ZNF710: variants seen among roughly 807,000 people sequenced by gnomAD.
The protein encoded by ZNF710 is zinc finger protein 710.
ZNF710 carries 13 observed loss-of-function variants against 50.6 expected under a neutral mutation model. The observed-to-expected ratio is 0.26, with a 90% confidence interval of 0.17 to 0.41. The LOEUF (loss-of-function observed/expected upper bound fraction) is 0.41, where lower values mean the gene tolerates loss of function less well. Ranked by LOEUF, ZNF710 falls within the 10% of genes least tolerant of loss-of-function variation. The pLI is 1.00. For missense variants in ZNF710, 721 were observed against 936.6 expected (o/e 0.77, Z 3.01); for synonymous variants, 383 against 397.0 (o/e 0.96, Z 0.42).
At chr15:90,000,089 A>G (rs1897977750), upstream of ZNF710, among the ~76,000 whole-genome samples, 1 of 151,710 alleles carries the variant, frequency 6.6e-6, no homozygotes, top group South Asian at 2.1e-4. Context: ...AGGGCCCGGC[A>G]TCCAGCAGGT....
At chr15:90,006,791 G>C (rs1224650834) in intron 1 of ZNF710, 1 of 154,770 alleles carries the variant, frequency 6.5e-6, no homozygotes, top group African/African-American at 2.4e-5. Context: ...AGAGCCCTGG[G>C]CTCCTCAGCA....
chr15:90,045,024 C>A (rs1375285700), intron 1 of ZNF710, among the ~76,000 whole-genome samples: 1 of 152,192 alleles, frequency 6.6e-6, no homozygotes. Flanking sequence ...CTGCTGAACT[C>A]CTACACAACC....
At position 90,062,996 on chromosome 15, in the gene ZNF710, C is replaced by T. The variant is rs189013861; in HGVS notation, c.-28-4114C>T. ...GGCCAGTGTAAAAGAAAGCGTGGGG[C>T]CAACTGCCCAGGTGGGCAGTGGCTC... On this transcript the variant is annotated intron_variant, in intron 1 of 4. Transcript: ENST00000268154. The surrounding 1 kb of genome is among the most constrained non-coding windows in gnomAD (Gnocchi z 5.6). 1.4e-4 allele frequency among the ~76,000 whole-genome samples: 21 copies of T among 152,226 alleles called. No homozygotes were observed. Among genetic ancestry groups the T allele is most frequent in the Admixed American group, 1.1e-3 (17 of 15,300 alleles).
chr15:90,071,826 A>G (rs1399889928), intron 2 of ZNF710, among the ~76,000 whole-genome samples: 1 of 151,726 alleles, frequency 6.6e-6, no homozygotes, highest in Admixed American at 6.6e-5. Context: ...TTACAGGCGC[A>G]TACCACGCTC....
At chr15:90,014,433 A>T (rs766743711) in intron 1 of ZNF710, among the ~76,000 whole-genome samples, 3 of 151,626 alleles carry the variant, frequency 2.0e-5, no homozygotes, top group African/African-American at 7.3e-5. Flanking sequence ...TCCCAGCTAC[A>T]CTAGAGGCTG....
In ZNF710 at chr15:90,067,852, C is replaced by G. The variant is rs369663040; in HGVS notation, c.715C>G (p.Pro239Ala). Reference sequence around the variant, plus strand: ...GGCCCCCAGCATGGAGTCCCCGGAGCCTGTCAAGCCGGAACAGGGCTTCGT... The same window carrying G: ...GGCCCCCAGCATGGAGTCCCCGGAGGCTGTCAAGCCGGAACAGGGCTTCGT... Reference protein sequence around the residue: ...PEAPSMESPEPVKPEQGFVWQ... With the variant: ...PEAPSMESPEAVKPEQGFVWQ... Residue 239 changes from proline to alanine, a missense_variant, in exon 2 of 5, where the codon CCT becomes GCT. By Grantham distance (27) the Pro-to-Ala change is conservative. Around this residue, in one of 3 missense-constraint regions of ZNF710, gnomAD observed 326 missense variants for 347.1 expected, o/e 0.94. Coordinates refer to ENST00000268154, the MANE Select transcript of ZNF710 (RefSeq NM_198526.4). The surrounding 1 kb of genome is among the most constrained non-coding windows in gnomAD (Gnocchi z 8.1). The G allele has an allele frequency of 3.1e-6, 5 of 1,601,752 alleles. No individual in the cohort carries two copies. Among genetic ancestry groups the G allele is most frequent in the East Asian group, 2.2e-5 (1 of 44,658 alleles).
intron 1 of ZNF710, among the ~76,000 whole-genome samples, chr15:90,032,218 G>C (rs984550894): frequency 1.3e-5 from 2 of 151,890 alleles, no homozygotes; most frequent in Non-Finnish European, 2.9e-5. Context: ...GGCTGGTCTC[G>C]AGCTCCCAAC....
chr15:90,068,418 C>T lies in ZNF710; in HGVS notation c.1281C>T (p.Ala427=). The T allele has an allele frequency of 1.9e-6, 3 of 1,613,998 alleles. No homozygotes were observed. Among genetic ancestry groups the T allele is most frequent in the Non-Finnish European group, 1.7e-6 (2 of 1,180,028 alleles). Residue 427 remains alanine, a synonymous_variant, in exon 2 of 5, where the codon GCC becomes GCT. Transcript: ENST00000268154. This position sits in a 1 kb window ranked among gnomAD's most constrained non-coding sequence, Gnocchi z 5.0. ...TGACCCAGCTCAAGCGCCACCTGGC[C>T]TCCCACCAGGGCCCCACCCTCTACC... ...STLTQLKRHL[A]SHQGPTLYQC...
chr15:90,047,091 A>G (rs7175176), intron 1 of ZNF710, among the ~76,000 whole-genome samples: 36,089 of 152,112 alleles, frequency 0.24, 6,853 homozygotes, highest in African/African-American at 0.53. Flanking sequence ...ACGCTGGCCT[A>G]GAGATGAAAG....
At position 90,067,685 on chromosome 15, in the gene ZNF710, A is replaced by G; in HGVS notation, c.548A>G (p.Asn183Ser). 1 of 1,612,576 alleles carries G rather than the reference A, an allele frequency of 6.2e-7. No individual in the cohort carries two copies. The highest frequency in any genetic ancestry group is 8.5e-7 in the Non-Finnish European group (1 of 1,179,538). The change falls in exon 2 of 5, where the codon AAC becomes AGC. Residue 183 changes from asparagine to serine, a missense_variant. Coordinates refer to ENST00000268154, the MANE Select transcript of ZNF710 (RefSeq NM_198526.4). The surrounding 1 kb of genome is among the most constrained non-coding windows in gnomAD (Gnocchi z 8.1). ...HLPRTPRPEL[N>S]VAPYDPHFPA... ...CCCCGAACCCCGAGGCCGGAGCTGA[A>G]CGTGGCCCCATATGACCCTCACTTC... is the stretch of plus-strand genomic sequence containing the variant.
At chr15:90,042,059 G>A (rs1899312189) in intron 1 of ZNF710, among the ~76,000 whole-genome samples, 1 of 151,950 alleles carries the variant, frequency 6.6e-6, no homozygotes, top group African/African-American at 2.4e-5. Context: ...TACCACGTCT[G>A]GCTTATTTTT....
upstream of ZNF710, among the ~76,000 whole-genome samples, chr15:89,999,919 G>A (rs561760165): frequency 6.6e-6 from 1 of 151,928 alleles, no homozygotes; most frequent in Admixed American, 6.5e-5. Flanking sequence ...GAGGAAGGAA[G>A]GGAAGGGAAG....
chr15:90,065,414 A>C (rs1900136492), intron 1 of ZNF710, among the ~76,000 whole-genome samples: 1 of 152,190 alleles, frequency 6.6e-6, no homozygotes, highest in Non-Finnish European at 1.5e-5. Flanking sequence ...GAACCAGGGC[A>C]AGGGGTATAG....
intron 1 of ZNF710, among the ~76,000 whole-genome samples, chr15:90,029,546 C>T (rs748856006): frequency 2.0e-5 from 3 of 152,146 alleles, no homozygotes; most frequent in African/African-American, 4.8e-5. Flanking sequence ...GTGGGAGGAT[C>T]GCTTGCGGCC....
In ZNF710 at chr15:90,040,626, A is replaced by C. The variant is rs781323738; in HGVS notation, c.-28-26484A>C. 9.2e-5 allele frequency among the ~76,000 whole-genome samples: 14 copies of C among 152,016 alleles called. No homozygotes were observed. Among genetic ancestry groups the C allele is most frequent in the Non-Finnish European group, 1.9e-4 (13 of 68,036 alleles). On this transcript the variant is annotated intron_variant, in intron 1 of 4. Coordinates refer to ENST00000268154, the MANE Select transcript of ZNF710 (RefSeq NM_198526.4). The surrounding 1 kb of genome is among the most constrained non-coding windows in gnomAD (Gnocchi z 4.6). ...CTTGCTTTTAATTTTGTTTTTTATCAGAGTAATATATGCATCTTTTTTTAC... is the reference window on the plus strand; with the variant it reads ...CTTGCTTTTAATTTTGTTTTTTATCCGAGTAATATATGCATCTTTTTTTAC...
At chr15:90,000,763 G>A (rs1897989973), upstream of ZNF710, among the ~76,000 whole-genome samples, 1 of 152,082 alleles carries the variant, frequency 6.6e-6, no homozygotes, top group South Asian at 2.1e-4. Context: ...GGCGGCCCTC[G>A]CTCGCACTTG....
At chr15:90,049,472 A>C (rs1899570689) in intron 1 of ZNF710, among the ~76,000 whole-genome samples, 1 of 152,166 alleles carries the variant, frequency 6.6e-6, no homozygotes, top group Admixed American at 6.5e-5. Flanking sequence ...CATCCCCTCT[A>C]CTAAAGTCAC....
At chr15:90,032,862 A>G (rs1898990139) in intron 1 of ZNF710, among the ~76,000 whole-genome samples, 1 of 152,104 alleles carries the variant, frequency 6.6e-6, no homozygotes. Flanking sequence ...CCTTGAGTCC[A>G]GGAGTTCAAG....
At chr15:90,051,893 C>G (rs1899656847) in intron 1 of ZNF710, among the ~76,000 whole-genome samples, 2 of 152,092 alleles carry the variant, frequency 1.3e-5, no homozygotes, top group Admixed American at 1.3e-4. Flanking sequence ...GAAACCAAAT[C>G]CCAGGGAGGT....
Sources: allele counts gnomAD v4.1 joint callset (sites outside exome capture counted in the v4.1 genomes callset), GRCh38; gene constraint gnomAD v4.1.1; regional missense constraint gnomAD v4.1.1; non-coding constraint Gnocchi (gnomAD v3.1); transcripts MANE v1.5; gene names NCBI Gene and HGNC (gene_info 2026-07-23, HGNC 2026-07-21).